The following DECR1 variants were observed in gnomAD, a reference collection of about 807,000 sequenced individuals.
DECR1 encodes the protein 2,4-dienoyl-CoA reductase 1.
Under a neutral mutation model 38.8 loss-of-function variants are expected in DECR1, and 44 were observed. That is an observed-to-expected ratio of 1.13 (90% CI 0.89 to 1.46). The LOEUF (loss-of-function observed/expected upper bound fraction) is 1.46, where lower values mean the gene tolerates loss of function less well. DECR1 is among the 40% of genes most tolerant of loss of function. The probability of loss-of-function intolerance (pLI) is 0.00; values close to 1 mark genes in which losing one functional copy is unlikely to be tolerated. For synonymous variants in DECR1, 148 were observed against 135.2 expected (o/e 1.09, Z -0.66); for missense variants, 428 against 405.5 (o/e 1.06, Z -0.48).
At chr8:90,034,052 G>C (rs1813559257) in intron 5 of DECR1, among the ~76,000 whole-genome samples, 1 of 152,040 alleles carries the variant, frequency 6.6e-6, no homozygotes, top group South Asian at 2.1e-4. Context: ...ATATATAGAA[G>C]GAGTTACCAG....
chr8:90,040,687 T>C (rs1210934045), intron 6 of DECR1, among the ~76,000 whole-genome samples: 4 of 152,174 alleles, frequency 2.6e-5, no homozygotes, highest in Admixed American at 2.0e-4. Flanking sequence ...TGTGTTCTCA[T>C]TGTTCAGCTC....
chr8:90,042,163 G>T (rs886729705), intron 6 of DECR1, among the ~76,000 whole-genome samples: 3 of 152,040 alleles, frequency 2.0e-5, no homozygotes, highest in African/African-American at 7.2e-5. Flanking sequence ...TTAAAGCCTA[G>T]TTAGACATGG....
rs922369024 is a variant in DECR1, at chr8:90,053,339, C to G, written c.*1442C>G. Among the ~76,000 whole-genome samples, 1 of 152,154 alleles carries G rather than the reference C, an allele frequency of 6.6e-6. No individual in the cohort carries two copies. The highest frequency in any genetic ancestry group is 6.5e-5 in the Admixed American group (1 of 15,280). ...GAGTGAGGAGCAAAGTCATGTCTTACGTGGTGGCACCCAAGAGAGCTTGTG... is the reference window on the plus strand; with the variant it reads ...GAGTGAGGAGCAAAGTCATGTCTTAGGTGGTGGCACCCAAGAGAGCTTGTG... On this transcript the variant is annotated 3_prime_UTR_variant, in exon 10 of 10. Coordinates refer to ENST00000220764, the MANE Select transcript of DECR1 (RefSeq NM_001359.2).
At chr8:90,032,008 T>G (rs1813507934) in intron 5 of DECR1, among the ~76,000 whole-genome samples, 1 of 152,198 alleles carries the variant, frequency 6.6e-6, no homozygotes, top group Admixed American at 6.6e-5. Context: ...ACTTAACAGC[T>G]TAATATATCA....
At chr8:90,027,323 G>A (rs1813374141) in intron 5 of DECR1, among the ~76,000 whole-genome samples, 1 of 152,098 alleles carries the variant, frequency 6.6e-6, no homozygotes, top group Admixed American at 6.5e-5. Flanking sequence ...ACAGTGGGTT[G>A]TTAAAGTCTC....
intron 2 of DECR1, among the ~76,000 whole-genome samples, chr8:90,018,248 A>C (rs942989186): frequency 2.6e-5 from 4 of 152,236 alleles, no homozygotes; most frequent in African/African-American, 9.6e-5. Context: ...TGTGATGAAT[A>C]TAGGAAGGGT....
In DECR1 at chr8:90,021,040, AATT is replaced by A; in HGVS notation, c.551_553del (p.Ile184del). ...TGACACTAGAAATTGGAAAACAACTAATTAAAGCACAGAAAGGTATGTTTATTT... is the reference window on the plus strand; with the variant it reads ...TGACACTAGAAATTGGAAAACAACTAAAAGCACAGAAAGGTATGTTTATTT... On this transcript the variant is annotated inframe_deletion, in exon 5 of 10. Coordinates refer to ENST00000220764, the MANE Select transcript of DECR1 (RefSeq NM_001359.2). 6.3e-7 allele frequency: 1 copy of A among 1,586,228 alleles called. No individual in the cohort carries two copies. The highest frequency in any genetic ancestry group is 8.5e-7 in the Non-Finnish European group (1 of 1,171,422).
rs747222335 is a variant in DECR1, at chr8:90,051,807, G to A, written c.949-31G>A. On this transcript the variant is annotated intron_variant, in intron 9 of 9. Transcript: ENST00000220764. Reference sequence around the variant, plus strand: ...ACTAAGCTTTAAAAACATGTAAAAAGGACATTAAATTGACATCTTTTTTGT... The same window carrying A: ...ACTAAGCTTTAAAAACATGTAAAAAAGACATTAAATTGACATCTTTTTTGT... 28 of 1,612,992 alleles carry A rather than the reference G, an allele frequency of 1.7e-5. No homozygotes were observed. The Admixed American group carries it at 3.2e-4, about 18-fold the overall frequency.
At chr8:90,024,946 C>G (rs957535672) in intron 5 of DECR1, among the ~76,000 whole-genome samples, 1 of 152,188 alleles carries the variant, frequency 6.6e-6, no homozygotes, top group African/African-American at 2.4e-5. Flanking sequence ...ATATGGCTAG[C>G]CAGTTTTCCC....
chr8:90,044,928 C>T lies in DECR1; in HGVS notation c.818C>T (p.Thr273Ile). The T allele has an allele frequency of 6.2e-7, 1 of 1,613,800 alleles. No individual in the cohort carries two copies. Among genetic ancestry groups the T allele is most frequent in the South Asian group, 1.1e-5 (1 of 91,040 alleles). The change falls in exon 8 of 10, where the codon ACT (threonine) becomes ATT (isoleucine). Residue 273 changes from threonine (T) to isoleucine (I), a missense_variant. By Grantham distance (89) the Thr-to-Ile change is moderately conservative (BLOSUM62 -1). Coordinates refer to ENST00000220764, the MANE Select transcript of DECR1 (RefSeq NM_001359.2). The stretch of plus-strand genomic sequence containing the variant: ...AGAATTCCCTGTGGTCGCCTGGGGA[C>T]TGTAGAAGAACTCGCAAATCTTGCT... ...IGRIPCGRLG[T>I]VEELANLAAF...
chr8:90,023,676 A>C (rs1026964073), intron 5 of DECR1, among the ~76,000 whole-genome samples: 1 of 151,798 alleles, frequency 6.6e-6, no homozygotes, highest in Admixed American at 6.6e-5. Flanking sequence ...AATATCCTTC[A>C]TCAGCTTTGG....
intron 2 of DECR1, chr8:90,018,563 A>G: frequency 6.0e-6 from 1 of 165,752 alleles, no homozygotes. Context: ...GACTGCATGA[A>G]TAAATGTAGT....
At chr8:90,033,995 A>G (rs1813558440) in intron 5 of DECR1, among the ~76,000 whole-genome samples, 1 of 152,182 alleles carries the variant, frequency 6.6e-6, no homozygotes, top group Non-Finnish European at 1.5e-5. Context: ...TTCATGGAGT[A>G]CGATTTTGGA....
At position 90,052,052 on chromosome 8, in the gene DECR1, T is replaced by A; in HGVS notation, c.*155T>A. The A allele has an allele frequency of 1.6e-6, 1 of 618,762 alleles. No homozygotes were observed. Among genetic ancestry groups the A allele is most frequent in the Non-Finnish European group, 2.7e-6 (1 of 366,396 alleles). 38.3% of individuals were successfully genotyped at this position (618,762 alleles called of 1,614,324 possible). On this transcript the variant is annotated 3_prime_UTR_variant, in exon 10 of 10. Coordinates refer to ENST00000220764, the MANE Select transcript of DECR1 (RefSeq NM_001359.2). ...CCAGGCCAGTGATAGCCATTGTATATTCAAAGATAAATAAAATGAAATATA... is the reference window on the plus strand; with the variant it reads ...CCAGGCCAGTGATAGCCATTGTATAATCAAAGATAAATAAAATGAAATATA...
chr8:90,013,456 A>G (rs930660367), intron 1 of DECR1, among the ~76,000 whole-genome samples: 11 of 125,188 alleles, frequency 8.8e-5, no homozygotes, highest in African/African-American at 3.5e-4. Context: ...TACAATAGGC[A>G]TCTAGGAGTC....
chr8:90,011,319 G>A (rs188125773), intron 1 of DECR1, among the ~76,000 whole-genome samples: 1 of 152,244 alleles, frequency 6.6e-6, no homozygotes, highest in Admixed American at 6.5e-5. Context: ...ACTGTATTTT[G>A]TAATATAGAT....
At chr8:90,023,220 T>C (rs1813210171) in intron 5 of DECR1, among the ~76,000 whole-genome samples, 1 of 152,238 alleles carries the variant, frequency 6.6e-6, no homozygotes, top group African/African-American at 2.4e-5. Flanking sequence ...CATGTTTTGT[T>C]AACTTTCTCC....
At chr8:90,013,399 GTTTTTT>G (rs57505716) in intron 1 of DECR1, among the ~76,000 whole-genome samples, 69 of 77,986 alleles carry the variant, frequency 8.8e-4, no homozygotes, top group African/African-American at 2.6e-3. Context: ...CTCTTCTTTC[GTTTTTT>G]TTTTTTTTTT....
In DECR1 at chr8:90,018,969, A is replaced by G. The variant is rs371896281; in HGVS notation, c.330+3A>G. The G allele has an allele frequency of 3.1e-6, 5 of 1,592,366 alleles. No homozygotes were observed. The highest frequency in any genetic ancestry group is 1.1e-5 in the South Asian group (1 of 89,014). ...TTTCTTCTCAAACTGGAAATAAGGT[A>G]CATTAAAAATCAGTTATTTAATTTA... is the stretch of plus-strand genomic sequence containing the variant. On this transcript the variant is annotated splice_donor_region_variant and intron_variant, in intron 3 of 9. Transcript: ENST00000220764.
Sources: allele counts gnomAD v4.1 joint callset (sites outside exome capture counted in the v4.1 genomes callset), GRCh38; gene constraint gnomAD v4.1.1; transcripts MANE v1.5; gene names NCBI Gene and HGNC (gene_info 2026-07-23, HGNC 2026-07-21).